Variants in RIMBP2 observed in about 807,000 individuals in gnomAD.
RIMBP2 encodes RIMS-binding protein 2.
A neutral mutation model predicts 118.6 loss-of-function variants in RIMBP2; 48 were observed. The observed-to-expected ratio is 0.40, with a 90% CI of 0.32 to 0.51. The LOEUF is 0.51. Among genes scored for constraint, RIMBP2 ranks in the 20% least tolerant of loss-of-function variants. RIMBP2 has a pLI of 0.41. For missense variants in RIMBP2, 1,551 were observed against 1,768.3 expected (o/e 0.88, Z 2.20); for synonymous variants, 762 against 742.9 (o/e 1.03, Z -0.42).
At chr12:130,452,071 C>G (rs1346771143) in intron 7 of RIMBP2, among the ~76,000 whole-genome samples, 1 of 152,172 alleles carries the variant, frequency 6.6e-6, no homozygotes, top group African/African-American at 2.4e-5. Flanking sequence ...TAACGCTGGC[C>G]TGGGTGTCAG....
chr12:130,451,044 G>A (rs2078962041), intron 8 of RIMBP2, 151 bp downstream of exon 8: 2 of 891,790 alleles, frequency 2.2e-6, no homozygotes, highest in Non-Finnish European at 1.7e-6. Context: ...ACATAGTAGG[G>A]CAAGGGAATT....
At chr12:130,633,019 C>T (rs370891057) in intron 1 of RIMBP2, among the ~76,000 whole-genome samples, 1 of 152,166 alleles carries the variant, frequency 6.6e-6, no homozygotes, top group Admixed American at 6.5e-5. Context: ...CCAGTTCTTG[C>T]TATTTAATGT....
intron 1 of RIMBP2, among the ~76,000 whole-genome samples, chr12:130,713,264 AGGAAGGAAG>A (rs1950089873): frequency 7.5e-6 from 1 of 133,478 alleles, no homozygotes; most frequent in Non-Finnish European, 1.7e-5. Context: ...GAAGGAAGGA[AGGAAGGAAG>A]GACTGAGGAG....
chr12:130,498,651 A>AAAC (rs1555270547), intron 4 of RIMBP2, among the ~76,000 whole-genome samples: 3 of 149,768 alleles, frequency 2.0e-5, no homozygotes, highest in South Asian at 2.1e-4. Flanking sequence ...AAAAAAAAAA[A>AAAC]CACTCAGTGC....
chr12:130,713,105 A>C (rs1478567856), intron 1 of RIMBP2, among the ~76,000 whole-genome samples: 1 of 114,330 alleles, frequency 8.7e-6, no homozygotes, highest in African/African-American at 3.3e-5. Context: ...AAAGAGGGAG[A>C]GAAAAGGAGA....
intron 1 of RIMBP2, among the ~76,000 whole-genome samples, chr12:130,685,675 T>C (rs1248996519): frequency 6.6e-6 from 1 of 152,042 alleles, no homozygotes; most frequent in Non-Finnish European, 1.5e-5. Context: ...CTTGAACGGC[T>C]CAGGTTAAAG....
rs914266468 is a variant in RIMBP2, at chr12:130,646,113, C to G, written c.-351-17657G>C. 4.3e-3 allele frequency among the ~76,000 whole-genome samples: 516 copies of G among 119,350 alleles called. 16 individuals carry two copies. Among genetic ancestry groups the G allele is most frequent in the African/African-American group, 7.6e-3 (240 of 31,432 alleles). The allele number at this position is 119,350 out of a possible 152,430, so 78.3% of individuals were successfully genotyped here. ...TCCCTCTCCACCTCCCTCTCCACCT[C>G]CCTCACCACCTGCCTCTCCACCTCC... On this transcript the variant is annotated intron_variant, in intron 1 of 22. Coordinates refer to ENST00000690449, the MANE Select transcript of RIMBP2 (RefSeq NM_001393629.1).
chr12:130,417,688 A>G (rs1326753736), intron 17 of RIMBP2, among the ~76,000 whole-genome samples: 1 of 152,252 alleles, frequency 6.6e-6, no homozygotes, highest in Non-Finnish European at 1.5e-5. Flanking sequence ...CACTATACCC[A>G]TGTAACAGAC....
rs1290431930 is a variant in RIMBP2 at position 130,595,611 on chromosome 12, A to ATC, written c.-217+32709_-217+32710dup. On this transcript the variant is annotated intron_variant, in intron 2 of 22. Transcript: ENST00000690449. Reference sequence around the variant, plus strand: ...ATAAAAAACTTCATCTTTAACAAGCATCTCTCCTTGCCTTGAATAATTAAC... The same window carrying ATC: ...ATAAAAAACTTCATCTTTAACAAGCATCTCTCTCCTTGCCTTGAATAATTAAC... Among the ~76,000 whole-genome samples the ATC allele has an allele frequency of 1.2e-4, 19 of 152,314 alleles. No individual in the cohort carries two copies. In the Middle Eastern group the frequency reaches 0.01, roughly 82 times the overall value.
chr12:130,557,224 G>A (rs796704823), intron 2 of RIMBP2, among the ~76,000 whole-genome samples: 1 of 152,130 alleles, frequency 6.6e-6, no homozygotes, highest in East Asian at 1.9e-4. Flanking sequence ...TACCAAGGGT[G>A]CTGGCAGCCA....
chr12:130,440,625 A>G (rs577323895), intron 11 of RIMBP2, among the ~76,000 whole-genome samples: 1 of 152,342 alleles, frequency 6.6e-6, no homozygotes, highest in East Asian at 1.9e-4. Flanking sequence ...CGCACTCATC[A>G]GAAGGCATCG....
chr12:130,567,406 C>G (rs1230570146), intron 2 of RIMBP2, among the ~76,000 whole-genome samples: 1 of 152,200 alleles, frequency 6.6e-6, no homozygotes, highest in African/African-American at 2.4e-5. Flanking sequence ...TTCATGACAT[C>G]ACCATGTTAG....
chr12:130,438,046 A>G (rs1228138439), intron 12 of RIMBP2, among the ~76,000 whole-genome samples: 6 of 152,158 alleles, frequency 3.9e-5, no homozygotes, highest in African/African-American at 1.2e-4. Flanking sequence ...TCATCGTGCT[A>G]AGACTCAGTT....
Position 130,644,537 on chromosome 12 carries a change from G to A in RIMBP2, c.-351-16081C>T, listed in dbSNP as rs562837217. 3.3e-4 allele frequency among the ~76,000 whole-genome samples: 51 copies of A among 152,258 alleles called. No individual in the cohort carries two copies. The South Asian group carries it at 5.2e-3, about 15-fold the overall frequency. ...GGAAGATTAAAAGTATCCTTACTTC[G>A]AGGAGCCGTATCATCAAGTGCAAAT... On this transcript the variant is annotated intron_variant, in intron 1 of 22. Coordinates refer to ENST00000690449, the MANE Select transcript of RIMBP2 (RefSeq NM_001393629.1).
intron 3 of RIMBP2, among the ~76,000 whole-genome samples, chr12:130,517,268 C>T (rs149505317): frequency 4.6e-5 from 7 of 152,246 alleles, no homozygotes; most frequent in South Asian, 2.1e-4. Context: ...TGCCGCGGGG[C>T]ACCCTATACC....
At chr12:130,482,447 G>A (rs930358128) in intron 4 of RIMBP2, among the ~76,000 whole-genome samples, 3 of 152,208 alleles carry the variant, frequency 2.0e-5, no homozygotes, top group Admixed American at 6.5e-5. Context: ...AGTGTGGCAC[G>A]GAGCAGGATG....
rs1555253075 is a variant in RIMBP2 at position 130,446,021 on chromosome 12, C to CCG, written c.582-753_582-752insCG. On this transcript the variant is annotated intron_variant, in intron 9 of 22. Coordinates refer to ENST00000690449, the MANE Select transcript of RIMBP2 (RefSeq NM_001393629.1). This position sits in a 1 kb window ranked among gnomAD's most constrained non-coding sequence, Gnocchi z 4.1. ...AAAACAGACGCATGATTTTATGCTC[C>CCG]CCCCCCCCACACCCCCAGGAATATA... Among the ~76,000 whole-genome samples the CCG allele has an allele frequency of 5.8e-5, 1 of 17,306 alleles. No individual in the cohort carries two copies. The highest frequency in any genetic ancestry group is 3.7e-4 in the Admixed American group (1 of 2,730). 11.4% of individuals were successfully genotyped at this position (17,306 alleles called of 152,430 possible).
intron 13 of RIMBP2, among the ~76,000 whole-genome samples, chr12:130,435,328 G>T (rs1285765754): frequency 6.6e-6 from 1 of 152,202 alleles, no homozygotes; most frequent in Non-Finnish European, 1.5e-5. Flanking sequence ...ACAGGCATGA[G>T]CCACCGCGTC....
At chr12:130,653,841 C>T (rs947508945) in intron 1 of RIMBP2, among the ~76,000 whole-genome samples, 4 of 152,236 alleles carry the variant, frequency 2.6e-5, no homozygotes, top group African/African-American at 4.8e-5. Flanking sequence ...GCCCAAGCTA[C>T]ACCCAGGGTC....
Sources: gnomAD v4.1 joint callset for allele counts (sites outside exome capture counted in the v4.1 genomes callset) on GRCh38, gnomAD v4.1.1 for gene constraint, Gnocchi (gnomAD v3.1) non-coding constraint, MANE v1.5 for transcripts, NCBI Gene and HGNC (gene_info 2026-07-23, HGNC 2026-07-21) for gene names.